MYO5C: variants seen among roughly 807,000 people sequenced by gnomAD.
MYO5C encodes myosin VC, also known as unconventional myosin-Vc.
In MYO5C, 194 loss-of-function variants were observed where a neutral mutation model predicts 235.7. The observed-to-expected ratio is 0.82, with a 90% confidence interval of 0.73 to 0.93. The LOEUF is 0.93. MYO5C is among the 40% of genes least tolerant of loss of function. MYO5C has a pLI of 0.00. For synonymous variants in MYO5C, 707 were observed against 754.8 expected (o/e 0.94, Z 1.04); for missense variants, 2,038 against 2,127.2 (o/e 0.96, Z 0.82).
At chr15:52,232,996 G>A (rs1399629753) in intron 23 of MYO5C, among the ~76,000 whole-genome samples, 1 of 51,556 alleles carries the variant, frequency 1.9e-5, no homozygotes, top group East Asian at 2.2e-4. Context: ...AAAATAAATA[G>A]AGGCCGGGCG....
Position 52,225,460 on chromosome 15 carries a change from A to G in MYO5C, c.3280T>C (p.Ser1094Pro). ...QKIDVEKHVQSQKREMREKMS... is the reference protein window; with the variant it reads ...QKIDVEKHVQPQKREMREKMS... ...TTACCTCTCATTTCCCGTTTTTGTG[A>G]CTGCACATGTTTCTCCACATCTATC... The change falls in exon 26 of 41, where the codon TCA (serine) becomes CCA (proline). Residue 1094 changes from serine to proline, a missense_variant. Coordinates refer to ENST00000261839, the MANE Select transcript of MYO5C (RefSeq NM_018728.4). 6.2e-7 allele frequency: 1 copy of G among 1,613,524 alleles called. No individual in the cohort carries two copies. The highest frequency in any genetic ancestry group is 2.2e-5 in the East Asian group (1 of 44,872).
chr15:52,273,399 A>G (rs1312697226), intron 5 of MYO5C, among the ~76,000 whole-genome samples: 1 of 152,208 alleles, frequency 6.6e-6, no homozygotes, highest in Non-Finnish European at 1.5e-5. Flanking sequence ...AATCATAAGC[A>G]ACTCACTGTT....
intron 1 of MYO5C, among the ~76,000 whole-genome samples, 191 bp downstream of exon 1, chr15:52,295,419 G>A (rs2037479857): frequency 1.3e-5 from 2 of 152,160 alleles, no homozygotes; most frequent in Non-Finnish European, 2.9e-5. Context: ...GCCCTGGAGG[G>A]GCGACGCTCG....
intron 32 of MYO5C, 120 bp downstream of exon 32, chr15:52,218,399 G>A: frequency 9.8e-7 from 1 of 1,020,656 alleles, no homozygotes; most frequent in Admixed American, 2.5e-5. Context: ...AAAACAGACT[G>A]CTCTGATGGA....
At chr15:52,276,247 C>T (rs2037048315) in intron 4 of MYO5C, among the ~76,000 whole-genome samples, 1 of 152,196 alleles carries the variant, frequency 6.6e-6, no homozygotes, top group Non-Finnish European at 1.5e-5. Flanking sequence ...GTCATCCTCA[C>T]AGCTAAGACT....
chr15:52,218,776 G>C, intron 31 of MYO5C, 89 bp from the exon 32 acceptor site: 1 of 1,398,214 alleles, frequency 7.2e-7, no homozygotes, highest in South Asian at 1.3e-5. Flanking sequence ...TATTTCCAAA[G>C]ATGGAAGAAC....
chr15:52,284,203 G>A (rs867945908), intron 1 of MYO5C, among the ~76,000 whole-genome samples: 123 of 117,082 alleles, frequency 1.1e-3, no homozygotes, highest in African/African-American at 5.8e-3. Flanking sequence ...GCCCATTAAT[G>A]AGAATTAAAA....
At chr15:52,195,962 C>CTTTTTTTTTTTTTTTTTTT (rs71130140) in intron 39 of MYO5C, among the ~76,000 whole-genome samples, 1 of 80,994 alleles carries the variant, frequency 1.2e-5, no homozygotes, top group African/African-American at 6.5e-5. Context: ...TCACACCCAG[C>CTTTTTTTTTTTTTTTTTTT]TTTTTTTTTT....
chr15:52,225,624 C>T (rs1326752099), intron 25 of MYO5C, 92 bp from the exon 26 acceptor site: 3 of 842,044 alleles, frequency 3.6e-6, no homozygotes, highest in Non-Finnish European at 6.0e-6. Flanking sequence ...CGTTGCGTGT[C>T]TATGCAAGAC....
intron 39 of MYO5C, among the ~76,000 whole-genome samples, 185 bp from the exon 40 acceptor site, chr15:52,195,642 G>A (rs2035030590): frequency 6.6e-6 from 1 of 152,080 alleles, no homozygotes. Flanking sequence ...GTGCCTTAGG[G>A]AGCAAAGGCA....
Position 52,244,409 on chromosome 15 carries a change from C to T in MYO5C, c.2337G>A (p.Glu779=). 1 of 1,614,080 alleles carries T rather than the reference C, an allele frequency of 6.2e-7. No homozygotes were observed. Among genetic ancestry groups the T allele is most frequent in the South Asian group, 1.1e-5 (1 of 91,064 alleles). The part of the protein sequence containing the change: ...GWLQRKKFLR[E]RRAALIIQQY... ...GCTGGATTATCAGGGCGGCTCGTCTCTCTCGGAGGAATTTTTTCCTCTGGA... is the reference window on the plus strand; with the variant it reads ...GCTGGATTATCAGGGCGGCTCGTCTTTCTCGGAGGAATTTTTTCCTCTGGA... Residue 779 remains glutamate, a synonymous_variant, in exon 19 of 41, where the codon GAG becomes GAA. Coordinates refer to ENST00000261839, the MANE Select transcript of MYO5C (RefSeq NM_018728.4).
At chr15:52,256,583 A>ACG (rs750543678) in intron 11 of MYO5C, 56 bp downstream of exon 11, 7 of 915,722 alleles carry the variant, frequency 7.6e-6, no homozygotes, top group East Asian at 3.0e-5. Context: ...ACACACACAC[A>ACG]CACACGCGCG....
intron 9 of MYO5C, among the ~76,000 whole-genome samples, chr15:52,263,104 C>G (rs1740197319): frequency 6.6e-6 from 1 of 152,178 alleles, no homozygotes; most frequent in African/African-American, 2.4e-5. Flanking sequence ...TCTCAGACTT[C>G]CAGCCTCTAG....
intron 1 of MYO5C, among the ~76,000 whole-genome samples, chr15:52,292,894 G>C (rs143340987): frequency 1.3e-5 from 2 of 152,240 alleles, no homozygotes; most frequent in East Asian, 3.8e-4. Context: ...CAGTGGCAAC[G>C]TGCAAGCAAG....
In MYO5C at chr15:52,192,805, G is replaced by A. The variant is rs2034960347; in HGVS notation, c.*1097C>T. The stretch of plus-strand genomic sequence containing the variant: ...TGATTAGAGAGCGAAAGTAATTTAG[G>A]TTGCTTTTTCAATCTGAGGTTGTTT... On this transcript the variant is annotated 3_prime_UTR_variant, in exon 41 of 41. Transcript: ENST00000261839. The A allele has an allele frequency of 6.6e-6, 1 of 152,058 alleles. No homozygotes were observed. Among genetic ancestry groups the A allele is most frequent in the South Asian group, 2.1e-4 (1 of 4,830 alleles). The allele number at this position is 152,058 out of a possible 1,614,324, so 9.4% of individuals were successfully genotyped here.
At chr15:52,227,311 C>T (rs2035850800) in intron 25 of MYO5C, among the ~76,000 whole-genome samples, 1 of 149,628 alleles carries the variant, frequency 6.7e-6, no homozygotes, top group South Asian at 2.2e-4. Flanking sequence ...CCTCCTGCCT[C>T]AGCCTCCCGA....
intron 1 of MYO5C, among the ~76,000 whole-genome samples, chr15:52,286,286 C>T (rs2037269083): frequency 6.6e-6 from 1 of 151,242 alleles, no homozygotes; most frequent in Non-Finnish European, 1.5e-5. Context: ...AGCCCCCCGC[C>T]CGGCCAGCCG....
intron 6 of MYO5C, 55 bp from the exon 7 acceptor site, chr15:52,271,899 G>A: frequency 8.2e-7 from 1 of 1,223,184 alleles, no homozygotes; most frequent in East Asian, 2.4e-5. Flanking sequence ...AAGCAAAAAT[G>A]CCAGGTTTTT....
intron 21 of MYO5C, 93 bp downstream of exon 21, chr15:52,239,640 T>C (rs1211798791): frequency 1.4e-6 from 2 of 1,391,312 alleles, no homozygotes; most frequent in East Asian, 2.3e-5. Flanking sequence ...TAACATGGCA[T>C]AAATTTTAAT....
Sources: allele counts gnomAD v4.1 joint callset (sites outside exome capture counted in the v4.1 genomes callset), GRCh38; gene constraint gnomAD v4.1.1; transcripts MANE v1.5; gene names NCBI Gene and HGNC (gene_info 2026-07-23, HGNC 2026-07-21).